The following RMND5A variants were observed in gnomAD, a reference collection of about 807,000 sequenced individuals.
RMND5A encodes the protein E3 ubiquitin-protein transferase RMND5A.
RMND5A carries 17 observed loss-of-function variants against 49.7 expected under a neutral mutation model. The observed-to-expected ratio is 0.34, with a 90% CI of 0.23 to 0.51. The LOEUF (loss-of-function observed/expected upper bound fraction) is 0.51. Among genes scored for constraint, RMND5A ranks in the 20% least tolerant of loss-of-function variants. The probability of loss-of-function intolerance (pLI) is 0.96; values close to 1 mark genes in which losing one functional copy is unlikely to be tolerated. For synonymous variants in RMND5A, 156 were observed against 167.7 expected, an observed-to-expected ratio of 0.93 and a Z score of 0.54; for missense variants, 255 against 471.3, an observed-to-expected ratio of 0.54 and a Z score of 4.25.
chr2:86,750,752 C>T (rs1046087417), intron 2 of RMND5A, among the ~76,000 whole-genome samples: 1 of 147,800 alleles, frequency 6.8e-6, no homozygotes, highest in African/African-American at 2.5e-5. Flanking sequence ...GTAATTTTCC[C>T]ACAGGTCCCT....
At position 86,725,230 on chromosome 2, in the gene RMND5A, CCATT is replaced by C. The variant is rs1225797253; in HGVS notation, c.142+4424_142+4427del. Among the ~76,000 whole-genome samples, 138 of 138,648 alleles carry C rather than the reference CCATT, an allele frequency of 1.0e-3. 2 individuals are homozygous for C. The highest frequency in any genetic ancestry group is 3.4e-3 in the African/African-American group (124 of 36,520). 91.0% of individuals were successfully genotyped at this position (138,648 alleles called of 152,430 possible). On this transcript the variant is annotated intron_variant, in intron 1 of 8. Transcript: ENST00000283632. ...AGTAAGTCATACATTCAAATGGTAT[CCATT>C]CAAACAATGAAAAAGATAACCCAGT...
chr2:86,725,959 C>G lies in RMND5A; in HGVS notation c.142+5150C>G, dbSNP rs2104383005. ...TCCTACCCTTATCTCTTTGGTGAAT[C>G]AAAGAAACTGTTGAAACTTTGGTTA... On this transcript the variant is annotated intron_variant, in intron 1 of 8. Transcript: ENST00000283632. 4.0e-5 allele frequency among the ~76,000 whole-genome samples: 3 copies of G among 75,874 alleles called. 1 individual carries two copies. The highest frequency in any genetic ancestry group is 2.7e-5 in the Non-Finnish European group (1 of 37,614). 49.8% of individuals were successfully genotyped at this position (75,874 alleles called of 152,430 possible). A position where few individuals can be genotyped will look rare whatever the true frequency, so the allele number is the denominator to read the frequency against.
intron 8 of RMND5A, among the ~76,000 whole-genome samples, chr2:86,771,976 G>T (rs993938039): frequency 6.6e-6 from 1 of 152,100 alleles, no homozygotes; most frequent in South Asian, 2.1e-4. Flanking sequence ...ACAAATGGTC[G>T]CATACTAAAA....
At chr2:86,772,461 CAAAAACA>C (rs1672699366) in intron 8 of RMND5A, among the ~76,000 whole-genome samples, 1 of 151,976 alleles carries the variant, frequency 6.6e-6, no homozygotes, top group East Asian at 1.9e-4. Context: ...TCTCAAAAAA[CAAAAACA>C]AAAAACAAAA....
At chr2:86,721,565 T>TA (rs1681223352) in intron 1 of RMND5A, among the ~76,000 whole-genome samples, 1 of 151,344 alleles carries the variant, frequency 6.6e-6, no homozygotes, top group African/African-American at 2.4e-5. Flanking sequence ...TTAAGTTCGT[T>TA]CAAAAAAAAT....
intron 4 of RMND5A, among the ~76,000 whole-genome samples, chr2:86,761,970 C>T (rs996755343): frequency 1.3e-5 from 2 of 152,012 alleles, no homozygotes; most frequent in Non-Finnish European, 1.5e-5. Flanking sequence ...GCTTATAAAG[C>T]TTAAATTGAT....
intron 4 of RMND5A, among the ~76,000 whole-genome samples, chr2:86,756,272 A>G (rs1215491705): frequency 6.6e-6 from 1 of 152,150 alleles, no homozygotes; most frequent in Non-Finnish European, 1.5e-5. Flanking sequence ...GTACGCCTGT[A>G]GTCTGAACTA....
chr2:86,773,242 T>G (rs1672711914), intron 8 of RMND5A, 106 bp from the exon 9 acceptor site: 2 of 566,244 alleles, frequency 3.5e-6, no homozygotes, highest in East Asian at 5.8e-5. Flanking sequence ...TTTTGTGTGT[T>G]CTTATATGTG....
At chr2:86,748,210 C>T (rs546996056) in intron 2 of RMND5A, 126 of 152,286 alleles carry the variant, frequency 8.3e-4, no homozygotes, top group African/African-American at 2.9e-3. Flanking sequence ...TCTGATGCAA[C>T]AGTGAGTAAG....
At chr2:86,752,782 A>C (rs1349527002) in intron 3 of RMND5A, among the ~76,000 whole-genome samples, 1 of 152,202 alleles carries the variant, frequency 6.6e-6, no homozygotes, top group African/African-American at 2.4e-5. Context: ...TGGAAACATG[A>C]AGGACCGAAA....
chr2:86,752,127 CTATAG>C, intron 3 of RMND5A, 97 bp downstream of exon 3: 1 of 1,040,486 alleles, frequency 9.6e-7, no homozygotes. Context: ...CTTCCTCTAG[CTATAG>C]ATAGATTTTT....
Position 86,776,380 on chromosome 2 carries a change from G to A in RMND5A, c.*2969G>A, listed in dbSNP as rs1672768866. On this transcript the variant is annotated 3_prime_UTR_variant, in exon 9 of 9. Coordinates refer to ENST00000283632, the MANE Select transcript of RMND5A (RefSeq NM_022780.4). ...TAGGGTGTGTATTTTTTGAGTGTGA[G>A]CATTTAATTGAAAATAAGAAAGCTA... 1 of 152,170 alleles carries A rather than the reference G, an allele frequency of 6.6e-6. No individual in the cohort carries two copies. Among genetic ancestry groups the A allele is most frequent in the African/African-American group, 2.4e-5 (1 of 41,428 alleles). 9.4% of individuals were successfully genotyped at this position (152,170 alleles called of 1,614,324 possible). A position where few individuals can be genotyped will look rare whatever the true frequency, so the allele number is the denominator to read the frequency against.
chr2:86,720,340 G>A lies in RMND5A; in HGVS notation c.-328G>A, dbSNP rs535879179. On this transcript the variant is annotated 5_prime_UTR_variant, in exon 1 of 9. Transcript: ENST00000283632. ...TGCCGCCCGGGAGAACCAGGTCATC[G>A]GTCGGTTCCCGTGAAAACAAAAACA... 6.5e-6 allele frequency: 1 copy of A among 153,618 alleles called. No homozygotes were observed. Among genetic ancestry groups the A allele is most frequent in the Non-Finnish European group, 1.4e-5 (1 of 69,104 alleles). 9.5% of individuals were successfully genotyped at this position (153,618 alleles called of 1,614,324 possible).
At chr2:86,760,965 A>AT (rs1491226338) in intron 4 of RMND5A, among the ~76,000 whole-genome samples, 4 of 145,442 alleles carry the variant, frequency 2.8e-5, no homozygotes, top group African/African-American at 7.7e-5. Context: ...GAGAGAGAGA[A>AT]GTGTGTGTGT....
intron 4 of RMND5A, among the ~76,000 whole-genome samples, chr2:86,760,180 G>A (rs974811090): frequency 6.6e-6 from 1 of 152,158 alleles, no homozygotes; most frequent in East Asian, 1.9e-4. Flanking sequence ...GAGTAGCTGG[G>A]ATTACAGGCA....
intron 1 of RMND5A, 131 bp downstream of exon 1, chr2:86,720,940 C>T (rs1272522371): frequency 1.8e-5 from 13 of 738,474 alleles, no homozygotes; most frequent in Non-Finnish European, 2.5e-5. Context: ...GCGCGGAGGC[C>T]CCCAGACCCC....
chr2:86,744,407 C>A (rs1021825436), intron 2 of RMND5A, among the ~76,000 whole-genome samples: 2 of 152,052 alleles, frequency 1.3e-5, no homozygotes, highest in African/African-American at 4.8e-5. Context: ...AAGAACCATG[C>A]CAAACAGACC....
At chr2:86,768,217 G>T (rs1473148040) in intron 6 of RMND5A, among the ~76,000 whole-genome samples, 1 of 152,198 alleles carries the variant, frequency 6.6e-6, no homozygotes. Flanking sequence ...ATATAAAGGG[G>T]TCCTGAAACC....
At chr2:86,762,658 A>AT (rs1195697848) in intron 4 of RMND5A, among the ~76,000 whole-genome samples, 15 of 124,736 alleles carry the variant, frequency 1.2e-4, no homozygotes, top group African/African-American at 3.8e-4. Flanking sequence ...AAAAAAAAAT[A>AT]TTTTTTTATA....
Sources: gnomAD v4.1 joint callset for allele counts (sites outside exome capture counted in the v4.1 genomes callset) on GRCh38, gnomAD v4.1.1 for gene constraint, MANE v1.5 for transcripts, NCBI Gene and HGNC (gene_info 2026-07-23, HGNC 2026-07-21) for gene names.